FREM3: variants seen among roughly 807,000 people sequenced by gnomAD.
FREM3 encodes the protein FRAS1 related extracellular matrix 3.
Under a neutral mutation model 129.1 loss-of-function variants are expected in FREM3, and 105 were observed. The ratio of observed to expected loss-of-function variants is 0.81; its 90% confidence interval spans 0.69 to 0.96. FREM3 has a LOEUF of 0.96. FREM3 is among the 40% of genes least tolerant of loss of function. FREM3 has a pLI of 0.00. For synonymous variants in FREM3, 1,014 were observed against 1,044.9 expected (o/e 0.97, Z 0.57); for missense variants, 2,593 against 2,666.3 (o/e 0.97, Z 0.61).
At position 143,620,110 on chromosome 4, in the gene FREM3, A is replaced by C. The variant is rs980449723; in HGVS notation, c.5779+927T>G. ...GCAATCAAATGGTCAAGACTTACTA[A>C]ATAACTGCCAGCTTCCCTAATTTCT... On this transcript the variant is annotated intron_variant, in intron 5 of 7. Transcript: ENST00000329798. 2.0e-5 allele frequency among the ~76,000 whole-genome samples: 3 copies of C among 152,132 alleles called. No individual in the cohort carries two copies. The South Asian group carries it at 6.2e-4, about 32-fold the overall frequency.
At chr4:143,601,654 G>T (rs1205777371) in intron 6 of FREM3, among the ~76,000 whole-genome samples, 1 of 152,148 alleles carries the variant, frequency 6.6e-6, no homozygotes, top group Non-Finnish European at 1.5e-5. Flanking sequence ...ATGTAAAGTT[G>T]CCATTCATTC....
At chr4:143,643,023 A>G (rs1033360430) in intron 2 of FREM3, among the ~76,000 whole-genome samples, 1 of 152,206 alleles carries the variant, frequency 6.6e-6, no homozygotes. Flanking sequence ...AAAGTGTTTA[A>G]TATCACTAAT....
chr4:143,577,310 T>A lies in FREM3; in HGVS notation c.*301A>T. The A allele has an allele frequency of 2.2e-6, 1 of 456,416 alleles. No individual in the cohort carries two copies. The highest frequency in any genetic ancestry group is 3.8e-6 in the Non-Finnish European group (1 of 260,928). 28.3% of individuals were successfully genotyped at this position (456,416 alleles called of 1,614,324 possible). On this transcript the variant is annotated 3_prime_UTR_variant, in exon 8 of 8. Coordinates refer to ENST00000329798, the MANE Select transcript of FREM3 (RefSeq NM_001168235.2). ...CAGTAAAGAGAGGTTAATTCTTTGA[T>A]CTTAACTTTTGATTTAATTGATCAC...
intron 7 of FREM3, among the ~76,000 whole-genome samples, chr4:143,578,327 G>A (rs575287399): frequency 6.3e-4 from 96 of 151,906 alleles, no homozygotes; most frequent in African/African-American, 2.2e-3. Flanking sequence ...CCATTCTCTC[G>A]GTTGTTATTA....
chr4:143,690,045 C>A (rs1004546825), intron 2 of FREM3, among the ~76,000 whole-genome samples: 1 of 151,464 alleles, frequency 6.6e-6, no homozygotes, highest in Non-Finnish European at 1.5e-5. Context: ...AGAAATGCAG[C>A]CTTGTCAAAA....
At chr4:143,612,365 T>A (rs911218530) in intron 5 of FREM3, among the ~76,000 whole-genome samples, 2 of 152,262 alleles carry the variant, frequency 1.3e-5, no homozygotes. Flanking sequence ...TTTAGCACAA[T>A]GCTTTTGAGA....
At chr4:143,584,011 G>T (rs1435399660) in intron 7 of FREM3, among the ~76,000 whole-genome samples, 1 of 152,226 alleles carries the variant, frequency 6.6e-6, no homozygotes, top group Non-Finnish European at 1.5e-5. Context: ...AGGCCACAGA[G>T]TTGCAAGTTA....
chr4:143,592,123 C>T (rs373834960), intron 6 of FREM3, among the ~76,000 whole-genome samples: 2 of 152,140 alleles, frequency 1.3e-5, no homozygotes, highest in Admixed American at 6.5e-5. Context: ...TTATTTTGAG[C>T]CTATGTGTGT....
At chr4:143,617,330 A>G (rs1385067426) in intron 5 of FREM3, among the ~76,000 whole-genome samples, 2 of 152,148 alleles carry the variant, frequency 1.3e-5, no homozygotes, top group Non-Finnish European at 2.9e-5. Flanking sequence ...TGCATCTAGT[A>G]TATAGAGACC....
At chr4:143,634,098 T>C (rs545316616) in intron 2 of FREM3, among the ~76,000 whole-genome samples, 1 of 152,154 alleles carries the variant, frequency 6.6e-6, no homozygotes, top group South Asian at 2.1e-4. Context: ...ATAGCTGATT[T>C]AGAGAAGCCA....
At chr4:143,597,978 T>C (rs919543875) in intron 6 of FREM3, among the ~76,000 whole-genome samples, 1 of 152,206 alleles carries the variant, frequency 6.6e-6, no homozygotes, top group Non-Finnish European at 1.5e-5. Flanking sequence ...AGATGTTGCC[T>C]TCTTGCTATA....
At chr4:143,679,058 ATTG>A (rs944798799) in intron 2 of FREM3, among the ~76,000 whole-genome samples, 8 of 152,308 alleles carry the variant, frequency 5.3e-5, no homozygotes, top group African/African-American at 1.7e-4. Context: ...GCACAGTTTA[ATTG>A]TTGTTTAACC....
intron 2 of FREM3, among the ~76,000 whole-genome samples, chr4:143,638,521 T>G (rs759594706): frequency 1.8e-4 from 27 of 152,274 alleles, no homozygotes; most frequent in Non-Finnish European, 3.4e-4. Context: ...TATTTAGAGA[T>G]AAAAAGAATC....
At chr4:143,673,210 C>T (rs1235492908) in intron 2 of FREM3, among the ~76,000 whole-genome samples, 1 of 152,176 alleles carries the variant, frequency 6.6e-6, no homozygotes, top group Non-Finnish European at 1.5e-5. Context: ...GTTTTTTCCC[C>T]ATCTTTGTGG....
intron 6 of FREM3, among the ~76,000 whole-genome samples, chr4:143,608,559 A>G (rs1738703035): frequency 1.3e-5 from 2 of 152,208 alleles, no homozygotes; most frequent in South Asian, 4.1e-4. Flanking sequence ...GGAAGAAGAG[A>G]TAGAATAATT....
chr4:143,698,729 G>C lies in FREM3; in HGVS notation c.1947C>G (p.Asp649Glu), dbSNP rs1740630363. ...EKVVTEWLQR[D>E]IMEGRLFYRH... Reference sequence around the variant, plus strand: ...GGTAGAAGAGTCTCCCTTCCATTATGTCTCTCTGTAGCCACTCAGTCACCA... The same window carrying C: ...GGTAGAAGAGTCTCCCTTCCATTATCTCTCTCTGTAGCCACTCAGTCACCA... Residue 649 changes from aspartate to glutamate, a missense_variant, in exon 1 of 8, where the codon GAC becomes GAG. Coordinates refer to ENST00000329798, the MANE Select transcript of FREM3 (RefSeq NM_001168235.2). The C allele has an allele frequency of 6.5e-7, 1 of 1,537,178 alleles. No individual in the cohort carries two copies.
At position 143,669,308 on chromosome 4, in the gene FREM3, ATAAT is replaced by A. The variant is rs1739923013; in HGVS notation, c.5275+23801_5275+23804del. ...CTTTTAATTCTTAACTAATGAATTA[ATAAT>A]TAATTTCTTTAGAGAGAGGGTCTAG... On this transcript the variant is annotated intron_variant, in intron 2 of 7. Transcript: ENST00000329798. Among the ~76,000 whole-genome samples, 4 of 152,324 alleles carry A rather than the reference ATAAT, an allele frequency of 2.6e-5. No homozygotes were observed. The South Asian group carries it at 6.2e-4, about 24-fold the overall frequency.
intron 6 of FREM3, among the ~76,000 whole-genome samples, chr4:143,591,838 G>T (rs1738368859): frequency 6.6e-6 from 1 of 152,242 alleles, no homozygotes; most frequent in South Asian, 2.1e-4. Flanking sequence ...TTGACAGTCG[G>T]GTGTTAAAGT....
intron 6 of FREM3, among the ~76,000 whole-genome samples, chr4:143,602,299 G>A (rs181348892): frequency 1.3e-5 from 2 of 152,190 alleles, no homozygotes; most frequent in African/African-American, 2.4e-5. Context: ...TTAGAAACTC[G>A]AATTAACAGA....
Sources: gnomAD v4.1 joint callset for allele counts (sites outside exome capture counted in the v4.1 genomes callset) on GRCh38, gnomAD v4.1.1 for gene constraint, MANE v1.5 for transcripts, NCBI Gene and HGNC (gene_info 2026-07-23, HGNC 2026-07-21) for gene names.